Variants in WASF2 observed in about 807,000 individuals in gnomAD.
The protein encoded by WASF2 is actin-binding protein WASF2.
In WASF2, 14 loss-of-function variants were observed where a neutral mutation model predicts 45.0. The ratio of observed to expected loss-of-function variants is 0.31; its 90% CI spans 0.21 to 0.49. WASF2 has a LOEUF of 0.49. WASF2 is among the 20% of genes least tolerant of loss of function. The pLI, the probability that WASF2 is intolerant of heterozygous loss-of-function variation, is 0.99. For missense variants in WASF2, 439 were observed against 636.1 expected, an observed-to-expected ratio of 0.69 and a Z score of 3.33; for synonymous variants, 200 against 236.3, an observed-to-expected ratio of 0.85 and a Z score of 1.41.
chr1:27,461,764 G>A lies in WASF2; in HGVS notation c.-44+28222C>T, dbSNP rs141597100. On this transcript the variant is annotated intron_variant, in intron 1 of 8. Transcript: ENST00000618852. ...GCTGGGATTACAGGCGTGAGCCACC[G>A]CGCCTGGCCCACCTCAGCCTTTCAA... 3.9e-3 allele frequency among the ~76,000 whole-genome samples: 594 copies of A among 151,858 alleles called. 4 individuals are homozygous for A. Among genetic ancestry groups the A allele is most frequent in the African/African-American group, 0.013 (558 of 41,402 alleles).
chr1:27,441,830 G>A (rs547646942), intron 1 of WASF2, among the ~76,000 whole-genome samples: 2 of 151,158 alleles, frequency 1.3e-5, no homozygotes, highest in Non-Finnish European at 2.9e-5. Context: ...GGAGGCTGAG[G>A]CATGAGAATC....
chr1:27,454,747 G>A (rs2017445057), intron 1 of WASF2, among the ~76,000 whole-genome samples: 1 of 151,954 alleles, frequency 6.6e-6, no homozygotes, highest in African/African-American at 2.4e-5. Context: ...GCAACTTTTT[G>A]TTCTTGAGAT....
At chr1:27,421,584 G>A (rs1002226531) in intron 2 of WASF2, among the ~76,000 whole-genome samples, 1 of 152,176 alleles carries the variant, frequency 6.6e-6, no homozygotes, top group African/African-American at 2.4e-5. Context: ...GGGAGGCCAA[G>A]GGAGGCAGAT....
chr1:27,405,012 G>A lies in WASF2; in HGVS notation c.*3177C>T, dbSNP rs1405878950. 6.5e-6 allele frequency: 1 copy of A among 154,756 alleles called. No homozygotes were observed. The highest frequency in any genetic ancestry group is 1.5e-5 in the Non-Finnish European group (1 of 68,932). 9.6% of individuals were successfully genotyped at this position (154,756 alleles called of 1,614,324 possible). ...AGTCAGGTGAGGGGCCGCAGTGGGA[G>A]GCAGTCCTAGAGCAGAGCTGGGACA... is the stretch of plus-strand genomic sequence containing the variant. On this transcript the variant is annotated 3_prime_UTR_variant, in exon 9 of 9. Coordinates refer to ENST00000618852, the MANE Select transcript of WASF2 (RefSeq NM_006990.5).
intron 1 of WASF2, among the ~76,000 whole-genome samples, chr1:27,486,397 T>C (rs974483093): frequency 1.3e-5 from 2 of 152,156 alleles, no homozygotes; most frequent in Non-Finnish European, 1.5e-5. Flanking sequence ...TTAAGACTAA[T>C]TATTTTACAG....
intron 1 of WASF2, among the ~76,000 whole-genome samples, chr1:27,488,138 A>G (rs1020613527): frequency 2.6e-5 from 4 of 152,112 alleles, no homozygotes; most frequent in Non-Finnish European, 4.4e-5. Flanking sequence ...CACTGCTAAG[A>G]AACGCCCTCT....
chr1:27,422,051 A>T (rs1243094925), intron 2 of WASF2, among the ~76,000 whole-genome samples: 2 of 151,902 alleles, frequency 1.3e-5, no homozygotes, highest in East Asian at 1.9e-4. Context: ...AAAAAAAAAA[A>T]CAATCAACTT....
chr1:27,485,540 G>A (rs924050613), intron 1 of WASF2, among the ~76,000 whole-genome samples: 1 of 152,060 alleles, frequency 6.6e-6, no homozygotes, highest in Non-Finnish European at 1.5e-5. Context: ...CATAAATTGT[G>A]GTACTTAAGG....
Position 27,405,506 on chromosome 1 carries a change from C to T in WASF2, c.*2683G>A, listed in dbSNP as rs1166372476. The T allele has an allele frequency of 6.7e-6, 1 of 150,288 alleles. No homozygotes were observed. The highest frequency in any genetic ancestry group is 2.5e-5 in the African/African-American group (1 of 40,816). 9.3% of individuals were successfully genotyped at this position (150,288 alleles called of 1,614,324 possible). A position where few individuals can be genotyped will look rare whatever the true frequency, so the allele number is the denominator to read the frequency against. ...AGCTTAGGCCCAGATTAAATAATCACTAAACTTTGCATTCTACATTACGTG... is the reference window on the plus strand; with the variant it reads ...AGCTTAGGCCCAGATTAAATAATCATTAAACTTTGCATTCTACATTACGTG... On this transcript the variant is annotated 3_prime_UTR_variant, in exon 9 of 9. Transcript: ENST00000618852.
In WASF2 at chr1:27,410,355, A is replaced by AT. The variant is rs2148097744; in HGVS notation, c.825-150dup. 7.1e-7 allele frequency: 1 copy of AT among 1,404,162 alleles called. No homozygotes were observed. The allele number at this position is 1,404,162 out of a possible 1,614,324, so 87.0% of individuals were successfully genotyped here. On this transcript the variant is annotated intron_variant, in intron 7 of 8. Transcript: ENST00000618852. This position sits in a 1 kb window ranked among gnomAD's most constrained non-coding sequence, Gnocchi z 4.2. ...CAGAAAGAAAAGCCTACAGATGGTC[A>AT]TAACAGACCAATAATGAAATAAGCA...
At chr1:27,479,727 T>C (rs1176974663) in intron 1 of WASF2, among the ~76,000 whole-genome samples, 1 of 152,122 alleles carries the variant, frequency 6.6e-6, no homozygotes, top group Non-Finnish European at 1.5e-5. Flanking sequence ...TAGCTGGGTG[T>C]GGTGGCACAT....
At chr1:27,426,293 C>G (rs1280338644) in intron 2 of WASF2, among the ~76,000 whole-genome samples, 1 of 152,110 alleles carries the variant, frequency 6.6e-6, no homozygotes, top group Non-Finnish European at 1.5e-5. Flanking sequence ...GCAGATCACT[C>G]TGGCAGGGAT....
At chr1:27,436,534 A>G (rs1182154487) in intron 1 of WASF2, among the ~76,000 whole-genome samples, 3 of 152,224 alleles carry the variant, frequency 2.0e-5, no homozygotes, top group Non-Finnish European at 4.4e-5. Flanking sequence ...TCGAATAGTC[A>G]TTTGACTTCA....
intron 1 of WASF2, among the ~76,000 whole-genome samples, chr1:27,444,862 CACAA>C (rs889281702): frequency 1.2e-4 from 18 of 152,194 alleles, no homozygotes; most frequent in African/African-American, 4.1e-4. Context: ...TATAAAAACA[CACAA>C]ACAATCTTTC....
intron 2 of WASF2, among the ~76,000 whole-genome samples, chr1:27,419,426 G>T (rs2016871942): frequency 6.6e-6 from 1 of 152,168 alleles, no homozygotes; most frequent in Admixed American, 6.5e-5. Flanking sequence ...TCCAGCCTGG[G>T]CAACATGGGG....
At chr1:27,478,261 T>G (rs1257219147) in intron 1 of WASF2, among the ~76,000 whole-genome samples, 1 of 128,822 alleles carries the variant, frequency 7.8e-6, no homozygotes, top group African/African-American at 2.9e-5. Context: ...ATAAATTTCA[T>G]GCAAATAGCA....
intron 1 of WASF2, among the ~76,000 whole-genome samples, chr1:27,430,832 CAA>C (rs2017051992): frequency 6.8e-6 from 1 of 147,076 alleles, no homozygotes; most frequent in African/African-American, 2.5e-5. Context: ...AAAAGCAAAA[CAA>C]GGGTTTATTT....
In WASF2 at chr1:27,410,809, C is replaced by T. The variant is rs983256151; in HGVS notation, c.825-603G>A. Among the ~76,000 whole-genome samples the T allele has an allele frequency of 2.0e-5, 3 of 152,094 alleles. No individual in the cohort carries two copies. Among genetic ancestry groups the T allele is most frequent in the East Asian group, 1.9e-4 (1 of 5,196 alleles). ...TCTTGAGAGAGAATGAATCTCAATC[C>T]GAGAATCTGCAGAGATGGGAAATGA... is the stretch of plus-strand genomic sequence containing the variant. On this transcript the variant is annotated intron_variant, in intron 7 of 8. Coordinates refer to ENST00000618852, the MANE Select transcript of WASF2 (RefSeq NM_006990.5). This position sits in a 1 kb window ranked among gnomAD's most constrained non-coding sequence, Gnocchi z 4.2.
intron 1 of WASF2, among the ~76,000 whole-genome samples, chr1:27,467,319 G>GC (rs2017627770): frequency 7.2e-6 from 1 of 138,418 alleles, no homozygotes. Context: ...TTTGTTTTCT[G>GC]TTTTTTTTTT....
Sources: gnomAD v4.1 joint callset for allele counts (sites outside exome capture counted in the v4.1 genomes callset) on GRCh38, gnomAD v4.1.1 for gene constraint, Gnocchi (gnomAD v3.1) non-coding constraint, MANE v1.5 for transcripts, NCBI Gene and HGNC (gene_info 2026-07-23, HGNC 2026-07-21) for gene names.